The following PSD3 variants were observed in gnomAD, a reference collection of about 807,000 sequenced individuals.
PSD3 encodes pleckstrin and Sec7 domain containing 3.
A neutral mutation model predicts 105.5 loss-of-function variants in PSD3; 49 were observed. The ratio of observed to expected loss-of-function variants is 0.46; its 90% CI spans 0.37 to 0.59. The LOEUF (loss-of-function observed/expected upper bound fraction) is 0.59, where lower values mean the gene tolerates loss of function less well. PSD3 is among the 20% of genes least tolerant of loss of function. PSD3 has a pLI of 0.00. For synonymous variants in PSD3, 557 were observed against 457.8 expected, an observed-to-expected ratio of 1.22 and a Z score of -2.77; for missense variants, 1,561 against 1,263.8, an observed-to-expected ratio of 1.24 and a Z score of -3.57.
chr8:18,671,103 A>G (rs770067817), intron 9 of PSD3, among the ~76,000 whole-genome samples: 2 of 152,186 alleles, frequency 1.3e-5, no homozygotes, highest in Non-Finnish European at 2.9e-5. Flanking sequence ...ACGATGCTGT[A>G]TAACACAATT....
intron 11 of PSD3, among the ~76,000 whole-genome samples, chr8:18,614,806 G>T (rs12114540): frequency 0.63 from 95,003 of 149,966 alleles, 30,277 homozygotes; most frequent in Middle Eastern, 0.8. Flanking sequence ...TTTTTTTTTT[G>T]TTTTGTTTTC....
At chr8:18,575,811 T>C (rs1003278973) in intron 12 of PSD3, among the ~76,000 whole-genome samples, 1 of 152,102 alleles carries the variant, frequency 6.6e-6, no homozygotes, top group Non-Finnish European at 1.5e-5. Flanking sequence ...AATAGTAAAA[T>C]AAAATAATTA....
rs1251623707 is a variant in PSD3, at chr8:18,694,888, G to C, written c.2173-39203C>G. Among the ~76,000 whole-genome samples the C allele has an allele frequency of 2.6e-5, 4 of 152,040 alleles. No homozygotes were observed. The East Asian group carries it at 5.8e-4, about 22-fold the overall frequency. On this transcript the variant is annotated intron_variant, in intron 9 of 15. Transcript: ENST00000327040. ...GGTAGTACTGATTCAAGGGATCCTT[G>C]GAGCTGGCCAAAGGTATGGAGGAAA...
intron 4 of PSD3, among the ~76,000 whole-genome samples, chr8:18,809,763 T>G (rs562512893): frequency 6.6e-6 from 1 of 152,350 alleles, no homozygotes; most frequent in East Asian, 1.9e-4. Flanking sequence ...TTCACTTGTT[T>G]CTGCGATTTT....
chr8:18,772,229 T>G (rs1807606150), intron 8 of PSD3, among the ~76,000 whole-genome samples: 2 of 152,192 alleles, frequency 1.3e-5, no homozygotes, highest in Non-Finnish European at 1.5e-5. Flanking sequence ...GCTTTAAACT[T>G]TTTATATATA....
intron 10 of PSD3, among the ~76,000 whole-genome samples, chr8:18,651,096 T>C (rs945516578): frequency 3.3e-5 from 5 of 152,312 alleles, no homozygotes; most frequent in East Asian, 1.9e-4. Flanking sequence ...TAGAACCCTA[T>C]ACATATATTC....
chr8:18,655,537 G>C, intron 10 of PSD3, 105 bp downstream of exon 10: 1 of 1,047,102 alleles, frequency 9.6e-7, no homozygotes, highest in Non-Finnish European at 1.5e-6. Context: ...AATGAGAATT[G>C]GCAATGCATA....
chr8:18,815,602 C>T (rs953429443), intron 4 of PSD3, among the ~76,000 whole-genome samples: 11 of 152,230 alleles, frequency 7.2e-5, no homozygotes, highest in South Asian at 4.2e-4. Context: ...GGAGCCACTG[C>T]GTCCAGCCCC....
At chr8:18,589,853 A>C (rs558105512) in intron 12 of PSD3, among the ~76,000 whole-genome samples, 1 of 152,340 alleles carries the variant, frequency 6.6e-6, no homozygotes, top group East Asian at 1.9e-4. Flanking sequence ...GGTTGATTTA[A>C]GAAATCTGTC....
intron 12 of PSD3, among the ~76,000 whole-genome samples, chr8:18,588,489 G>C (rs767557086): frequency 3.9e-4 from 59 of 152,198 alleles, no homozygotes; most frequent in Non-Finnish European, 8.1e-4. Flanking sequence ...TAAGTAGATA[G>C]TTTACAGCTA....
At chr8:18,865,831 G>C (rs1179478788) in intron 4 of PSD3, among the ~76,000 whole-genome samples, 1 of 152,154 alleles carries the variant, frequency 6.6e-6, no homozygotes, top group Non-Finnish European at 1.5e-5. Context: ...GAATACCACT[G>C]TCTAAATATG....
intron 8 of PSD3, among the ~76,000 whole-genome samples, chr8:18,772,487 T>C (rs1218221000): frequency 1.3e-5 from 2 of 152,152 alleles, no homozygotes; most frequent in Non-Finnish European, 2.9e-5. Context: ...GTTGAGTATG[T>C]TTTCATATGC....
chr8:18,734,182 C>G (rs1403740420), intron 9 of PSD3: 1 of 152,090 alleles, frequency 6.6e-6, no homozygotes, highest in Non-Finnish European at 1.5e-5. Context: ...AGGTAGAAAC[C>G]AGACTTGAAT....
chr8:18,785,926 C>T (rs1809101000), intron 8 of PSD3, among the ~76,000 whole-genome samples: 1 of 152,190 alleles, frequency 6.6e-6, no homozygotes, highest in South Asian at 2.1e-4. Flanking sequence ...GGGAATGGTT[C>T]ATTGAAAAAT....
intron 11 of PSD3, among the ~76,000 whole-genome samples, chr8:18,629,556 A>G (rs1368194806): frequency 6.6e-6 from 1 of 151,974 alleles, no homozygotes; most frequent in Non-Finnish European, 1.5e-5. Flanking sequence ...AACACCTAAC[A>G]ATATACATGA....
At chr8:19,063,984 A>G (rs1828989093) in intron 1 of PSD3, among the ~76,000 whole-genome samples, 1 of 152,070 alleles carries the variant, frequency 6.6e-6, no homozygotes, top group Non-Finnish European at 1.5e-5. Flanking sequence ...TCTACTAAAA[A>G]TACAAAATTA....
chr8:18,678,757 A>G (rs576291466), intron 9 of PSD3, among the ~76,000 whole-genome samples: 1 of 152,196 alleles, frequency 6.6e-6, no homozygotes, highest in South Asian at 2.1e-4. Context: ...GGTTGCGGTG[A>G]GCCGAGATTG....
At chr8:18,619,940 G>A (rs1805982389) in intron 11 of PSD3, among the ~76,000 whole-genome samples, 1 of 152,070 alleles carries the variant, frequency 6.6e-6, no homozygotes, top group South Asian at 2.1e-4. Flanking sequence ...CCCTTTCTAG[G>A]CCTTTCCCAG....
intron 12 of PSD3, among the ~76,000 whole-genome samples, chr8:18,582,286 C>T (rs1029047066): frequency 6.6e-6 from 1 of 152,144 alleles, no homozygotes; most frequent in African/African-American, 2.4e-5. Context: ...ACTGCTTTAT[C>T]GATAATTTCC....
Sources: allele counts gnomAD v4.1 joint callset (sites outside exome capture counted in the v4.1 genomes callset), GRCh38; gene constraint gnomAD v4.1.1; transcripts MANE v1.5; gene names NCBI Gene and HGNC (gene_info 2026-07-23, HGNC 2026-07-21).